Variants in MIPEP observed in about 807,000 individuals in gnomAD.
The protein encoded by MIPEP is mitochondrial intermediate peptidase.
A neutral mutation model predicts 90.3 loss-of-function variants in MIPEP; 79 were observed. The ratio of observed to expected loss-of-function variants is 0.87; its 90% confidence interval spans 0.73 to 1.05. The LOEUF (loss-of-function observed/expected upper bound fraction) is 1.05, where lower values mean the gene tolerates loss of function less well. Among genes scored for constraint, MIPEP ranks in the 50% least tolerant of loss-of-function variants. The pLI, the probability that MIPEP is intolerant of heterozygous loss-of-function variation, is 0.00. For synonymous variants in MIPEP, 334 were observed against 315.8 expected (o/e 1.06, Z -0.61); for missense variants, 940 against 905.6 (o/e 1.04, Z -0.49).
chr13:23,863,663 C>A lies in MIPEP; in HGVS notation c.992+478G>T, dbSNP rs1480980722. ...AGCATTTCAGATAAGGGACACTCAA[C>A]TTGTTATAACAAACGGACACACCAA... is the stretch of plus-strand genomic sequence containing the variant. On this transcript the variant is annotated intron_variant, in intron 8 of 18. Transcript: ENST00000382172. Among the ~76,000 whole-genome samples, 3 of 152,252 alleles carry A rather than the reference C, an allele frequency of 2.0e-5. No individual in the cohort carries two copies. In the East Asian group the frequency reaches 5.8e-4, roughly 29 times the overall value.
chr13:23,730,751 G>A (rs1481285816), intron 18 of MIPEP, among the ~76,000 whole-genome samples: 3 of 152,114 alleles, frequency 2.0e-5, no homozygotes, highest in African/African-American at 4.8e-5. Context: ...GATATTAGAA[G>A]ACTGATTTTT....
intron 16 of MIPEP, among the ~76,000 whole-genome samples, chr13:23,778,123 T>C (rs945787054): frequency 6.6e-6 from 1 of 152,186 alleles, no homozygotes; most frequent in Non-Finnish European, 1.5e-5. Flanking sequence ...TACTGTTTGA[T>C]TTTAGCTTTT....
chr13:23,824,337 A>C (rs1953342179), intron 14 of MIPEP, among the ~76,000 whole-genome samples: 2 of 152,228 alleles, frequency 1.3e-5, no homozygotes, highest in South Asian at 4.1e-4. Context: ...ACCATTGAGA[A>C]AATGTACTGT....
intron 4 of MIPEP, among the ~76,000 whole-genome samples, chr13:23,875,815 C>T (rs1456703733): frequency 2.0e-5 from 3 of 152,024 alleles, no homozygotes; most frequent in African/African-American, 7.2e-5. Flanking sequence ...TCTTGTATTT[C>T]CTTTCAATCT....
At position 23,846,487 on chromosome 13, in the gene MIPEP, A is replaced by AT. The variant is rs879494460; in HGVS notation, c.1107-5000dup. Among the ~76,000 whole-genome samples the AT allele has an allele frequency of 1.7e-3, 264 of 151,606 alleles. 2 individuals are homozygous for AT. Among genetic ancestry groups the AT allele is most frequent in the Middle Eastern group, 6.8e-3 (2 of 294 alleles). ...GCTTGGGATATGTTTTGGATTTTGGATTTTTTTTTCTATTTTGGAAAATTT... is the reference window on the plus strand; with the variant it reads ...GCTTGGGATATGTTTTGGATTTTGGATTTTTTTTTTCTATTTTGGAAAATTT... On this transcript the variant is annotated intron_variant, in intron 10 of 18. Transcript: ENST00000382172.
intron 16 of MIPEP, among the ~76,000 whole-genome samples, chr13:23,802,934 C>T (rs563550207): frequency 6.6e-6 from 1 of 152,314 alleles, no homozygotes; most frequent in African/African-American, 2.4e-5. Context: ...TAAGCTATGA[C>T]ATTCAGCAGT....
At chr13:23,776,365 C>T (rs1264072128) in intron 16 of MIPEP, among the ~76,000 whole-genome samples, 1 of 152,172 alleles carries the variant, frequency 6.6e-6, no homozygotes, top group African/African-American at 2.4e-5. Flanking sequence ...TCATACCTTA[C>T]CTGTTCCTCA....
chr13:23,848,450 A>C (rs916972532), intron 10 of MIPEP, among the ~76,000 whole-genome samples: 2 of 152,186 alleles, frequency 1.3e-5, no homozygotes, highest in African/African-American at 4.8e-5. Context: ...TGCCTGCATG[A>C]CAACTCCTCA....
intron 16 of MIPEP, among the ~76,000 whole-genome samples, chr13:23,798,818 A>G (rs545453995): frequency 6.6e-6 from 1 of 152,114 alleles, no homozygotes; most frequent in South Asian, 2.1e-4. Flanking sequence ...GCCTTCCCAG[A>G]AGCTGAGCAG....
chr13:23,753,750 G>A (rs927417638), intron 18 of MIPEP, among the ~76,000 whole-genome samples: 14 of 152,302 alleles, frequency 9.2e-5, no homozygotes, highest in Middle Eastern at 3.4e-3. Flanking sequence ...TCAGAGCTCT[G>A]AGCAGAGCCC....
At chr13:23,864,110 C>A in intron 8 of MIPEP, 31 bp downstream of exon 8, 1 of 1,288,976 alleles carries the variant, frequency 7.8e-7, no homozygotes, top group Non-Finnish European at 1.1e-6. Context: ...AACATATAAC[C>A]AAAAAACTAA....
At chr13:23,739,772 T>C (rs754785469) in intron 18 of MIPEP, among the ~76,000 whole-genome samples, 1 of 151,726 alleles carries the variant, frequency 6.6e-6, no homozygotes, top group Non-Finnish European at 1.5e-5. Context: ...TGACTCCACT[T>C]CAGACTGAAC....
chr13:23,840,770 C>A (rs1362811536), intron 11 of MIPEP, among the ~76,000 whole-genome samples: 4 of 152,174 alleles, frequency 2.6e-5, no homozygotes, highest in Admixed American at 1.3e-4. Flanking sequence ...TAGTGACACA[C>A]ACAGGTCAAC....
At chr13:23,740,052 G>T (rs190439344) in intron 18 of MIPEP, among the ~76,000 whole-genome samples, 144 of 152,318 alleles carry the variant, frequency 9.5e-4, no homozygotes, top group Admixed American at 2.4e-3. Context: ...TTTAGAGGGT[G>T]ATTTTGTCAG....
chr13:23,777,208 T>G (rs1339233808), intron 16 of MIPEP, among the ~76,000 whole-genome samples: 2 of 152,160 alleles, frequency 1.3e-5, no homozygotes, highest in Non-Finnish European at 2.9e-5. Context: ...TCTGAGCACT[T>G]TAAAGTATTT....
At chr13:23,862,585 G>A (rs956076859) in intron 8 of MIPEP, among the ~76,000 whole-genome samples, 2 of 152,154 alleles carry the variant, frequency 1.3e-5, no homozygotes, top group African/African-American at 2.4e-5. Context: ...GCATCATGGT[G>A]GATAAATGTC....
intron 16 of MIPEP, among the ~76,000 whole-genome samples, chr13:23,791,074 T>C (rs1952893849): frequency 6.6e-6 from 1 of 152,144 alleles, no homozygotes; most frequent in South Asian, 2.1e-4. Context: ...CACAATCCAC[T>C]TCCAAATGTT....
At chr13:23,856,109 C>A (rs1870035583) in intron 10 of MIPEP, among the ~76,000 whole-genome samples, 1 of 152,224 alleles carries the variant, frequency 6.6e-6, no homozygotes, top group Non-Finnish European at 1.5e-5. Flanking sequence ...GTTGACAAGA[C>A]ACATTTAACA....
chr13:23,749,729 G>A lies in MIPEP; in HGVS notation c.2044+6816C>T, dbSNP rs191543429. Among the ~76,000 whole-genome samples the A allele has an allele frequency of 1.6e-4, 25 of 152,264 alleles. No homozygotes were observed. The Middle Eastern group carries it at 0.014, about 83-fold the overall frequency. The stretch of plus-strand genomic sequence containing the variant: ...CCATCTCTATAACAACTGAAGCACG[G>A]AGCTTGGGAGTCATCCTTGATATCA... On this transcript the variant is annotated intron_variant, in intron 18 of 18. Coordinates refer to ENST00000382172, the MANE Select transcript of MIPEP (RefSeq NM_005932.4).
Sources: gnomAD v4.1 joint callset for allele counts (sites outside exome capture counted in the v4.1 genomes callset) on GRCh38, gnomAD v4.1.1 for gene constraint, MANE v1.5 for transcripts, NCBI Gene and HGNC (gene_info 2026-07-23, HGNC 2026-07-21) for gene names.